The following CSMD1 variants were observed in gnomAD, a reference collection of about 807,000 sequenced individuals.
CSMD1 encodes the protein CUB and sushi domain-containing protein 1.
In CSMD1, 213 loss-of-function variants were observed where a neutral mutation model predicts 417.5. The observed-to-expected ratio is 0.51, with a 90% CI of 0.46 to 0.57. The LOEUF is 0.57. Ranked by LOEUF, CSMD1 falls within the 20% of genes least tolerant of loss-of-function variation. CSMD1 has a pLI of 0.00. For synonymous variants in CSMD1, 2,862 were observed against 1,736.8 expected, an observed-to-expected ratio of 1.65 and a Z score of -16.11; for missense variants, 6,923 against 4,529.7, an observed-to-expected ratio of 1.53 and a Z score of -15.17.
chr8:4,032,547 G>A (rs1002535019), intron 3 of CSMD1, among the ~76,000 whole-genome samples: 1 of 152,086 alleles, frequency 6.6e-6, no homozygotes. Context: ...TTCCACGACT[G>A]GTACAGTGTC....
intron 1 of CSMD1, among the ~76,000 whole-genome samples, chr8:4,811,986 G>A (rs868207124): frequency 6.6e-5 from 10 of 152,076 alleles, no homozygotes; most frequent in Admixed American, 1.3e-4. Context: ...AATAATAAAC[G>A]AAAGACAGAA....
At chr8:3,737,922 A>G (rs561797185) in intron 6 of CSMD1, among the ~76,000 whole-genome samples, 1 of 152,316 alleles carries the variant, frequency 6.6e-6, no homozygotes, top group African/African-American at 2.4e-5. Flanking sequence ...TGTGTTCTAA[A>G]GGTAGATAAT....
chr8:4,001,014 G>A (rs1340878032), intron 4 of CSMD1, among the ~76,000 whole-genome samples: 1 of 149,026 alleles, frequency 6.7e-6, no homozygotes, highest in Non-Finnish European at 1.5e-5. Flanking sequence ...TTGTTGGCAA[G>A]AAATCCCCCC....
intron 7 of CSMD1, among the ~76,000 whole-genome samples, chr8:3,702,783 G>C (rs563014971): frequency 6.6e-6 from 1 of 152,204 alleles, no homozygotes; most frequent in Non-Finnish European, 1.5e-5. Context: ...AGTTAGCTGA[G>C]ATCGCACCAC....
chr8:4,462,102 T>A (rs1799870941), intron 2 of CSMD1, among the ~76,000 whole-genome samples: 1 of 151,982 alleles, frequency 6.6e-6, no homozygotes, highest in Admixed American at 6.6e-5. Context: ...CTCAAACTCC[T>A]GGGCTCAAGG....
chr8:3,605,896 A>G (rs1423261357), intron 8 of CSMD1, among the ~76,000 whole-genome samples: 2 of 152,204 alleles, frequency 1.3e-5, no homozygotes, highest in East Asian at 3.9e-4. Flanking sequence ...CAGACTATTA[A>G]TGAGGTTATG....
intron 5 of CSMD1, among the ~76,000 whole-genome samples, chr8:3,989,118 G>C (rs976240153): frequency 1.3e-5 from 2 of 152,292 alleles, no homozygotes; most frequent in South Asian, 4.1e-4. Context: ...GCTAGTTATA[G>C]AAATTGCTAT....
At chr8:4,963,791 T>A (rs1005727657) in intron 1 of CSMD1, among the ~76,000 whole-genome samples, 1 of 152,174 alleles carries the variant, frequency 6.6e-6, no homozygotes, top group Non-Finnish European at 1.5e-5. Context: ...AACGTCAAAA[T>A]GGTAAGCAAT....
intron 50 of CSMD1, among the ~76,000 whole-genome samples, chr8:3,044,455 G>A (rs934843430): frequency 1.3e-5 from 2 of 152,080 alleles, no homozygotes; most frequent in Non-Finnish European, 2.9e-5. Flanking sequence ...TCACTGGAAG[G>A]CTAGCTTAAT....
intron 12 of CSMD1, among the ~76,000 whole-genome samples, chr8:3,442,928 T>A (rs1288492860): frequency 6.6e-6 from 1 of 152,222 alleles, no homozygotes; most frequent in African/African-American, 2.4e-5. Flanking sequence ...TCTGAGTATG[T>A]GTAGAATTGC....
intron 1 of CSMD1, among the ~76,000 whole-genome samples, chr8:4,756,902 T>A (rs1470092616): frequency 6.6e-6 from 1 of 152,208 alleles, no homozygotes; most frequent in Non-Finnish European, 1.5e-5. Context: ...GTCCAAATCA[T>A]CCTTTAACCG....
chr8:3,484,848 G>A (rs1263835037), intron 11 of CSMD1, among the ~76,000 whole-genome samples: 1 of 152,128 alleles, frequency 6.6e-6, no homozygotes, highest in Non-Finnish European at 1.5e-5. Flanking sequence ...TAGCCATCAG[G>A]AAAATGCAAA....
chr8:3,735,382 G>A (rs1796479406), intron 6 of CSMD1, among the ~76,000 whole-genome samples: 1 of 152,144 alleles, frequency 6.6e-6, no homozygotes, highest in South Asian at 2.1e-4. Flanking sequence ...AATCCTGGAA[G>A]TTGAGCAACT....
chr8:3,251,495 C>T lies in CSMD1; in HGVS notation c.4154-21264G>A, dbSNP rs555551907. ...TGTAGTATAGTTTGAAGTCAGGTAG[C>T]ATGATGCCTCCAGCTTTGTTCTCTT... is the stretch of plus-strand genomic sequence containing the variant. On this transcript the variant is annotated intron_variant, in intron 26 of 69. Coordinates refer to ENST00000635120, the MANE Select transcript of CSMD1 (RefSeq NM_033225.6). 1.5e-3 allele frequency among the ~76,000 whole-genome samples: 228 copies of T among 152,216 alleles called. 1 individual carries two copies. Among genetic ancestry groups the T allele is most frequent in the African/African-American group, 4.9e-3 (202 of 41,520 alleles).
intron 2 of CSMD1, among the ~76,000 whole-genome samples, chr8:4,440,431 C>A (rs1798400957): frequency 6.6e-6 from 1 of 152,112 alleles, no homozygotes; most frequent in Non-Finnish European, 1.5e-5. Flanking sequence ...TCCCTTTTCC[C>A]CCAGCACAAA....
At chr8:4,466,409 A>G (rs1316531003) in intron 2 of CSMD1, among the ~76,000 whole-genome samples, 1 of 152,188 alleles carries the variant, frequency 6.6e-6, no homozygotes, top group Admixed American at 6.5e-5. Flanking sequence ...AAAGCCAAAA[A>G]AAACACTCAC....
At chr8:3,057,125 T>C (rs1342618054) in intron 49 of CSMD1, among the ~76,000 whole-genome samples, 1 of 152,098 alleles carries the variant, frequency 6.6e-6, no homozygotes, top group Non-Finnish European at 1.5e-5. Flanking sequence ...AATGCTTATA[T>C]GGTAAGAAAT....
intron 7 of CSMD1, among the ~76,000 whole-genome samples, chr8:3,655,381 C>G (rs1798049224): frequency 6.6e-6 from 1 of 152,214 alleles, no homozygotes; most frequent in Non-Finnish European, 1.5e-5. Context: ...TTTCATTTTT[C>G]ACTATTACTC....
intron 54 of CSMD1, among the ~76,000 whole-genome samples, chr8:2,989,322 C>T (rs1806184553): frequency 2.0e-5 from 3 of 151,918 alleles, no homozygotes; most frequent in South Asian, 4.1e-4. Context: ...ATTCTGTGTA[C>T]TAGATTGAAT....
Sources: allele counts gnomAD v4.1 joint callset (sites outside exome capture counted in the v4.1 genomes callset), GRCh38; gene constraint gnomAD v4.1.1; transcripts MANE v1.5; gene names NCBI Gene and HGNC (gene_info 2026-07-23, HGNC 2026-07-21).